BTBD9: variants seen among roughly 807,000 people sequenced by gnomAD.
BTBD9 encodes BTB domain containing 9, also known as BTB/POZ domain-containing protein 9.
BTBD9 carries 49 observed loss-of-function variants against 64.3 expected under a neutral mutation model. The ratio of observed to expected loss-of-function variants is 0.76; its 90% CI spans 0.61 to 0.97. The LOEUF (loss-of-function observed/expected upper bound fraction) is 0.97, where lower values mean the gene tolerates loss of function less well. BTBD9 is among the 50% of genes least tolerant of loss of function. The pLI is 0.00. For missense variants in BTBD9, 598 were observed against 762.1 expected, an observed-to-expected ratio of 0.78 and a Z score of 2.53; for synonymous variants, 260 against 274.7, an observed-to-expected ratio of 0.95 and a Z score of 0.53.
rs536179479 is a variant in BTBD9 at position 38,608,438 on chromosome 6, G to A, written c.-27-10317C>T. On this transcript the variant is annotated intron_variant, in intron 1 of 10. Transcript: ENST00000481247. ...GCCATTTCTGTTTAATTTCTTCAGC[G>A]GCAACTTATGGGTCTGTAACATTCT... 8.3e-4 allele frequency among the ~76,000 whole-genome samples: 127 copies of A among 152,196 alleles called. 1 individual carries two copies. Among genetic ancestry groups the A allele is most frequent in the African/African-American group, 2.9e-3 (119 of 41,534 alleles).
chr6:38,219,188 G>A (rs1195401336), intron 9 of BTBD9, among the ~76,000 whole-genome samples: 6 of 132,556 alleles, frequency 4.5e-5, no homozygotes, highest in Non-Finnish European at 6.1e-5. Context: ...AGGCTGGAGT[G>A]TAGTAGCACA....
intron 6 of BTBD9, among the ~76,000 whole-genome samples, chr6:38,507,581 C>T (rs1007385291): frequency 2.6e-5 from 4 of 152,186 alleles, no homozygotes; most frequent in African/African-American, 9.7e-5. Flanking sequence ...CTCTCCGTGA[C>T]ATTTAATCCT....
At chr6:38,464,274 A>G (rs541119729) in intron 6 of BTBD9, among the ~76,000 whole-genome samples, 1 of 152,174 alleles carries the variant, frequency 6.6e-6, no homozygotes, top group Admixed American at 6.5e-5. Flanking sequence ...TGTTTCATCT[A>G]TCTAATTTAT....
chr6:38,482,883 ATCTGGGTACATC>A (rs1210464390), intron 6 of BTBD9, among the ~76,000 whole-genome samples: 1 of 152,128 alleles, frequency 6.6e-6, no homozygotes, highest in East Asian at 1.9e-4. Flanking sequence ...GCCTCTTTCA[ATCTGGGTACATC>A]TATTCTACAT....
intron 7 of BTBD9, among the ~76,000 whole-genome samples, chr6:38,324,496 GAGA>G (rs1763346870): frequency 6.6e-6 from 1 of 152,172 alleles, no homozygotes; most frequent in African/African-American, 2.4e-5. Flanking sequence ...CTGAAGTGTG[GAGA>G]AGGATGAGAA....
At chr6:38,407,647 T>G (rs578261476) in intron 6 of BTBD9, among the ~76,000 whole-genome samples, 1 of 152,294 alleles carries the variant, frequency 6.6e-6, no homozygotes, top group Admixed American at 6.5e-5. Flanking sequence ...TTGGGTAAAG[T>G]TAAATGTGGG....
chr6:38,237,815 C>G (rs745580467), intron 9 of BTBD9, among the ~76,000 whole-genome samples: 3 of 147,802 alleles, frequency 2.0e-5, no homozygotes, highest in Non-Finnish European at 4.5e-5. Flanking sequence ...TGTCTGTTTC[C>G]TTTTCAATGG....
At chr6:38,544,655 G>T (rs151028310) in intron 6 of BTBD9, among the ~76,000 whole-genome samples, 1 of 151,998 alleles carries the variant, frequency 6.6e-6, no homozygotes, top group Non-Finnish European at 1.5e-5. Context: ...GGCCAGGCTC[G>T]GTGGCTTATG....
intron 6 of BTBD9, among the ~76,000 whole-genome samples, chr6:38,366,817 A>T (rs1765200978): frequency 6.6e-6 from 1 of 152,204 alleles, no homozygotes; most frequent in African/African-American, 2.4e-5. Flanking sequence ...AAGAAGAATG[A>T]TCTTTTCTTC....
In BTBD9 at chr6:38,217,947, T is replaced by C. The variant is rs188548898; in HGVS notation, c.1563-25350A>G. On this transcript the variant is annotated intron_variant, in intron 9 of 10. Transcript: ENST00000481247. ...CATTGTACCCAAGGGATGTCCTACC[T>C]GTTGCAGGACCAACTGACCCTCCCT... 4.6e-5 allele frequency among the ~76,000 whole-genome samples: 7 copies of C among 152,244 alleles called. No homozygotes were observed. In the East Asian group the frequency reaches 1.4e-3, roughly 29 times the overall value.
chr6:38,413,981 A>T (rs1381635414), intron 6 of BTBD9, among the ~76,000 whole-genome samples: 1 of 152,176 alleles, frequency 6.6e-6, no homozygotes, highest in Admixed American at 6.5e-5. Context: ...AATGCCTGGC[A>T]CCTAGATACA....
At chr6:38,202,115 T>C (rs1237865885) in intron 9 of BTBD9, among the ~76,000 whole-genome samples, 2 of 140,534 alleles carry the variant, frequency 1.4e-5, no homozygotes, top group Non-Finnish European at 3.0e-5. Flanking sequence ...AGATGGAATC[T>C]CGCTCTGTTG....
intron 6 of BTBD9, among the ~76,000 whole-genome samples, chr6:38,447,573 A>G (rs973416782): frequency 3.3e-5 from 5 of 152,228 alleles, no homozygotes; most frequent in Admixed American, 2.6e-4. Context: ...AGAAAGTGGA[A>G]AAATTCAAGG....
chr6:38,498,633 G>C (rs1220051048), intron 6 of BTBD9, among the ~76,000 whole-genome samples: 3 of 151,980 alleles, frequency 2.0e-5, no homozygotes, highest in Admixed American at 6.6e-5. Context: ...CAACATAAGG[G>C]GACACATGAA....
intron 6 of BTBD9, among the ~76,000 whole-genome samples, chr6:38,542,777 C>G (rs1774347522): frequency 6.6e-6 from 1 of 152,194 alleles, no homozygotes; most frequent in Non-Finnish European, 1.5e-5. Flanking sequence ...AACACAGGGT[C>G]TATGCTCTCT....
intron 9 of BTBD9, among the ~76,000 whole-genome samples, chr6:38,210,942 A>G (rs997213321): frequency 6.6e-6 from 1 of 152,172 alleles, no homozygotes; most frequent in Non-Finnish European, 1.5e-5. Flanking sequence ...CTGAACACCA[A>G]GTGGGTCACA....
intron 9 of BTBD9, among the ~76,000 whole-genome samples, chr6:38,239,543 G>C (rs947543647): frequency 3.6e-4 from 54 of 151,914 alleles, no homozygotes; most frequent in African/African-American, 1.2e-3. Context: ...TAAGCTTCAG[G>C]ATACCAAACC....
At chr6:38,477,197 T>C (rs1008959607) in intron 6 of BTBD9, among the ~76,000 whole-genome samples, 2 of 152,246 alleles carry the variant, frequency 1.3e-5, no homozygotes, top group Admixed American at 6.5e-5. Context: ...TTTCTTTCTC[T>C]AATTACTGGG....
chr6:38,487,561 G>A (rs953568457), intron 6 of BTBD9, among the ~76,000 whole-genome samples: 16 of 149,514 alleles, frequency 1.1e-4, no homozygotes, highest in African/African-American at 4.0e-4. Context: ...CAGCCTGGGT[G>A]ACAGAGCGAG....
Sources: gnomAD v4.1 joint callset for allele counts (sites outside exome capture counted in the v4.1 genomes callset) on GRCh38, gnomAD v4.1.1 for gene constraint, MANE v1.5 for transcripts, NCBI Gene and HGNC (gene_info 2026-07-23, HGNC 2026-07-21) for gene names.